RAG1: variants seen among roughly 807,000 people sequenced by gnomAD.
RAG1 encodes V(D)J recombination-activating protein 1.
RAG1 carries 35 observed loss-of-function variants against 62.7 expected under a neutral mutation model. The observed-to-expected ratio is 0.56, with a 90% CI of 0.43 to 0.74. The LOEUF (loss-of-function observed/expected upper bound fraction) is 0.74. Ranked by LOEUF, RAG1 falls within the 30% of genes least tolerant of loss-of-function variation. RAG1 has a pLI of 0.00. For missense variants in RAG1, 1,169 were observed against 1,278.6 expected (o/e 0.91, Z 1.31); for synonymous variants, 461 against 470.3 (o/e 0.98, Z 0.26).
chr11:36,534,069 G>T (rs985216008), intron 2 of RAG1, among the ~76,000 whole-genome samples: 5 of 151,744 alleles, frequency 3.3e-5, no homozygotes, highest in Non-Finnish European at 5.9e-5. Flanking sequence ...AAAAAATATT[G>T]ATCCCTGAAG....
intron 1 of RAG1, among the ~76,000 whole-genome samples, chr11:36,512,091 G>A (rs967675145): frequency 1.3e-5 from 2 of 152,140 alleles, no homozygotes; most frequent in African/African-American, 4.8e-5. Flanking sequence ...TTCAATATAG[G>A]AGAGAGTTTT....
intron 3 of RAG1, among the ~76,000 whole-genome samples, chr11:36,561,251 C>T (rs1850580490): frequency 6.6e-6 from 1 of 152,166 alleles, no homozygotes; most frequent in Admixed American, 6.5e-5. Context: ...GTACAAGGTA[C>T]CTGGTTCTCC....
chr11:36,517,517 TTG>T (rs1358753711), intron 1 of RAG1, among the ~76,000 whole-genome samples: 2 of 152,214 alleles, frequency 1.3e-5, no homozygotes, highest in Non-Finnish European at 2.9e-5. Flanking sequence ...AATGGAAGGT[TTG>T]TGTAAGTGTG....
chr11:36,537,367 G>T (rs1034905908), downstream of RAG1, among the ~76,000 whole-genome samples: 2 of 152,052 alleles, frequency 1.3e-5, no homozygotes, highest in Non-Finnish European at 2.9e-5. Flanking sequence ...ACATATTTAG[G>T]GTCTTGATTG....
At chr11:36,569,794 A>T (rs994280198) in intron 1 of RAG1, among the ~76,000 whole-genome samples, 1 of 152,240 alleles carries the variant, frequency 6.6e-6, no homozygotes, top group Non-Finnish European at 1.5e-5. Context: ...CAGAAATTAA[A>T]CACTGTTAAG....
intron 2 of RAG1, among the ~76,000 whole-genome samples, chr11:36,522,698 G>A (rs1044412574): frequency 8.5e-5 from 13 of 152,208 alleles, no homozygotes; most frequent in African/African-American, 2.9e-4. Context: ...AAAAGCTACA[G>A]ACATTCAACA....
chr11:36,514,140 G>C (rs867251949), intron 1 of RAG1, among the ~76,000 whole-genome samples: 10 of 152,324 alleles, frequency 6.6e-5, no homozygotes, highest in Middle Eastern at 6.8e-3. Context: ...CCAGACGATT[G>C]CTGAGGCTTT....
In RAG1 at chr11:36,577,523, G is replaced by C. The variant is rs1305139925; in HGVS notation, c.*1087G>C. 1 of 167,004 alleles carries C rather than the reference G, an allele frequency of 6.0e-6. No individual in the cohort carries two copies. Among genetic ancestry groups the C allele is most frequent in the Non-Finnish European group, 1.5e-5 (1 of 68,104 alleles). The allele number at this position is 167,004 out of a possible 1,614,324, so 10.3% of individuals were successfully genotyped here. On this transcript the variant is annotated 3_prime_UTR_variant, in exon 2 of 2. Coordinates refer to ENST00000299440, the MANE Select transcript of RAG1 (RefSeq NM_000448.3). ...CAGAATTGTGTAGCAGGATAACCTT[G>C]TATTTTTCCATCCGCTAAGTTTAGA... is the stretch of plus-strand genomic sequence containing the variant.
chr11:36,538,438 T>C (rs1265701720), downstream of RAG1, among the ~76,000 whole-genome samples: 2 of 152,128 alleles, frequency 1.3e-5, no homozygotes, highest in African/African-American at 4.8e-5. Flanking sequence ...CACATTGAAA[T>C]TGTTCTTGCT....
chr11:36,547,930 A>G (rs895546708), intron 3 of RAG1, among the ~76,000 whole-genome samples: 1 of 152,206 alleles, frequency 6.6e-6, no homozygotes, highest in African/African-American at 2.4e-5. Flanking sequence ...ATTCACCATG[A>G]TCAAGTCAGC....
rs149133410 is a variant in RAG1, at chr11:36,568,860, G to A, written c.-15+738G>A. Among the ~76,000 whole-genome samples the A allele has an allele frequency of 3.3e-5, 5 of 152,280 alleles. No homozygotes were observed. In the East Asian group the frequency reaches 9.6e-4, roughly 29 times the overall value. On this transcript the variant is annotated intron_variant, in intron 1 of 1. Transcript: ENST00000299440. ...GTCTGAAGGAAGAGCAAGAATTGTAGTGTTATTTTGTGGATACTTGAGACT... is the reference window on the plus strand; with the variant it reads ...GTCTGAAGGAAGAGCAAGAATTGTAATGTTATTTTGTGGATACTTGAGACT...
chr11:36,519,702 G>T (rs1165755903), intron 1 of RAG1, among the ~76,000 whole-genome samples: 1 of 152,126 alleles, frequency 6.6e-6, no homozygotes, highest in African/African-American at 2.4e-5. Flanking sequence ...TCCCAGAAAG[G>T]TATCAGTTTG....
chr11:36,538,488 G>T (rs978116620), downstream of RAG1, among the ~76,000 whole-genome samples: 4 of 152,162 alleles, frequency 2.6e-5, no homozygotes, highest in African/African-American at 9.7e-5. Context: ...AAGAGCAAAT[G>T]GGGTAGGTTT....
At chr11:36,523,961 A>ACTCTCTC (rs1860120286) in intron 2 of RAG1, among the ~76,000 whole-genome samples, 1 of 151,424 alleles carries the variant, frequency 6.6e-6, no homozygotes, top group East Asian at 1.9e-4. Context: ...TACCACACCC[A>ACTCTCTC]CTCTCTCCTC....
At chr11:36,541,484 AG>A (rs979251064) in intron 3 of RAG1, among the ~76,000 whole-genome samples, 9 of 152,192 alleles carry the variant, frequency 5.9e-5, no homozygotes, top group Admixed American at 2.6e-4. Flanking sequence ...GGATGGAGAA[AG>A]TATCTGTTTA....
rs1850888102 is a variant in RAG1 at position 36,578,657 on chromosome 11, C to A, written c.*2221C>A. 1.2e-5 allele frequency: 2 copies of A among 167,008 alleles called. No homozygotes were observed. Among genetic ancestry groups the A allele is most frequent in the South Asian group, 4.1e-4 (2 of 4,824 alleles). The allele number at this position is 167,008 out of a possible 1,614,324, so 10.3% of individuals were successfully genotyped here. On this transcript the variant is annotated 3_prime_UTR_variant, in exon 2 of 2. Coordinates refer to ENST00000299440, the MANE Select transcript of RAG1 (RefSeq NM_000448.3). ...GAGCATGATTTATAGCACAACCTTT[C>A]CAATAATCCCTTAATCAGATCACAT... is the stretch of plus-strand genomic sequence containing the variant.
downstream of RAG1, among the ~76,000 whole-genome samples, chr11:36,537,901 T>G (rs1860356661): frequency 6.6e-6 from 1 of 152,206 alleles, no homozygotes. Context: ...CTTTATTCAT[T>G]TCTTATGCAA....
At chr11:36,548,903 T>C (rs879984805) in intron 3 of RAG1, among the ~76,000 whole-genome samples, 3 of 152,156 alleles carry the variant, frequency 2.0e-5, no homozygotes, top group African/African-American at 7.2e-5. Flanking sequence ...CAAAACAGCA[T>C]GGTACTGGTA....
downstream of RAG1, among the ~76,000 whole-genome samples, chr11:36,540,538 G>A (rs902779073): frequency 6.6e-6 from 1 of 152,126 alleles, no homozygotes; most frequent in African/African-American, 2.4e-5. Context: ...CCGAGTAGCT[G>A]GGACTACAGG....
Sources: allele counts gnomAD v4.1 joint callset (sites outside exome capture counted in the v4.1 genomes callset), GRCh38; gene constraint gnomAD v4.1.1; transcripts MANE v1.5; gene names NCBI Gene and HGNC (gene_info 2026-07-23, HGNC 2026-07-21).